The following MTFMT variants were observed in gnomAD, a reference collection of about 807,000 sequenced individuals.
MTFMT encodes methionyl-tRNA formyltransferase, mitochondrial.
A neutral mutation model predicts 51.8 loss-of-function variants in MTFMT; 47 were observed. That is an observed-to-expected ratio of 0.91 (90% CI 0.72 to 1.16). MTFMT has a LOEUF of 1.16. MTFMT is among the 50% of genes most tolerant of loss of function. The pLI, the probability that MTFMT is intolerant of heterozygous loss-of-function variation, is 0.00. For missense variants in MTFMT, 512 were observed against 482.3 expected, an observed-to-expected ratio of 1.06 and a Z score of -0.58; for synonymous variants, 196 against 176.7, an observed-to-expected ratio of 1.11 and a Z score of -0.87.
chr15:65,023,808 T>C lies in MTFMT; in HGVS notation c.420-14A>G. On this transcript the variant is annotated splice_polypyrimidine_tract_variant and intron_variant, in intron 2 of 8. Coordinates refer to ENST00000220058, the MANE Select transcript of MTFMT (RefSeq NM_139242.4). Reference sequence around the variant, plus strand: ...TTCAATATGCCACTGAGTTAGAAAATGTAGAAATTAGTATGTCAGTGGGCT... The same window carrying C: ...TTCAATATGCCACTGAGTTAGAAAACGTAGAAATTAGTATGTCAGTGGGCT... 3 of 1,604,220 alleles carry C rather than the reference T, an allele frequency of 1.9e-6. No individual in the cohort carries two copies. The highest frequency in any genetic ancestry group is 2.6e-6 in the Non-Finnish European group (3 of 1,173,588).
chr15:65,009,036 T>C (rs979395858), intron 6 of MTFMT, among the ~76,000 whole-genome samples: 5 of 152,186 alleles, frequency 3.3e-5, no homozygotes, highest in African/African-American at 1.2e-4. Flanking sequence ...TTTGCATGAA[T>C]TTACATTCAC....
rs2086363025 is a variant in MTFMT at position 65,020,292 on chromosome 15, A to T, written c.646-20T>A. ...AATGAGCTACAAAAAAAAAAAAAAG[A>T]GTGTGATATATTCAAAATGAAGGGA... On this transcript the variant is annotated intron_variant, in intron 4 of 8. Transcript: ENST00000220058. The T allele has an allele frequency of 2.0e-6, 3 of 1,535,270 alleles. No individual in the cohort carries two copies. Among genetic ancestry groups the T allele is most frequent in the South Asian group, 1.1e-5 (1 of 87,538 alleles).
chr15:65,028,275 G>A (rs1045659574), intron 1 of MTFMT, among the ~76,000 whole-genome samples: 4 of 152,154 alleles, frequency 2.6e-5, no homozygotes, highest in African/African-American at 9.7e-5. Context: ...TAAAAATCAG[G>A]CGTGGTGGTG....
chr15:65,007,344 A>G (rs768951649), intron 6 of MTFMT, among the ~76,000 whole-genome samples: 1 of 152,234 alleles, frequency 6.6e-6, no homozygotes, highest in Non-Finnish European at 1.5e-5. Context: ...CTGTTTTACA[A>G]GGACTTTTGT....
intron 1 of MTFMT, 98 bp downstream of exon 1, chr15:65,029,307 C>T (rs2086457807): frequency 1.5e-6 from 2 of 1,329,840 alleles, no homozygotes; most frequent in South Asian, 3.8e-5. Flanking sequence ...GCCGCCCATG[C>T]TTTCCGCAAC....
intron 1 of MTFMT, among the ~76,000 whole-genome samples, chr15:65,027,715 T>G (rs781317978): frequency 6.6e-6 from 1 of 152,112 alleles, no homozygotes; most frequent in Non-Finnish European, 1.5e-5. Flanking sequence ...TTTTGAAAAA[T>G]GGGTTAAATA....
intron 6 of MTFMT, among the ~76,000 whole-genome samples, chr15:65,010,343 T>C (rs1053239419): frequency 7.7e-6 from 1 of 130,264 alleles, no homozygotes; most frequent in Non-Finnish European, 1.6e-5. Flanking sequence ...TAGAACATTT[T>C]CATTACCTCT....
At chr15:65,004,799 C>T in intron 8 of MTFMT, 55 bp downstream of exon 8, 1 of 1,175,670 alleles carries the variant, frequency 8.5e-7, no homozygotes, top group South Asian at 1.5e-5. Context: ...ATAAATGATA[C>T]AGACTATAAC....
rs1473709288 is a variant in MTFMT at position 65,026,940 on chromosome 15, G to A, written c.310C>T (p.Gln104Ter). ...TCCGGCCACTCATATACGGGAAGCT[G>A]AGACTGCACAGCATATTGCTTCACT... The part of the protein sequence containing the change: ...LPVKQYAVQS[Q>*]LPVYEWPDVG... Residue 104 changes from glutamine to a stop codon, truncating the protein, a stop_gained, in exon 2 of 9, where the codon CAG becomes TAG. Transcript: ENST00000220058. LOFTEE classifies it high-confidence loss of function. 2 of 1,613,990 alleles carry A rather than the reference G, an allele frequency of 1.2e-6. No homozygotes were observed. The highest frequency in any genetic ancestry group is 2.7e-5 in the African/African-American group (2 of 75,046).
chr15:65,007,975 G>T (rs2086232818), intron 6 of MTFMT, among the ~76,000 whole-genome samples: 1 of 151,656 alleles, frequency 6.6e-6, no homozygotes, highest in Non-Finnish European at 1.5e-5. Context: ...TACTTTGGTG[G>T]TTCGTATCAT....
At position 65,020,286 on chromosome 15, in the gene MTFMT, A is replaced by AG. The variant is rs2086362833; in HGVS notation, c.646-15_646-14insC. The AG allele has an allele frequency of 6.2e-7, 1 of 1,607,656 alleles. No homozygotes were observed. Among genetic ancestry groups the AG allele is most frequent in the African/African-American group, 1.3e-5 (1 of 74,672 alleles). On this transcript the variant is annotated splice_polypyrimidine_tract_variant and intron_variant, in intron 4 of 8. Coordinates refer to ENST00000220058, the MANE Select transcript of MTFMT (RefSeq NM_139242.4). ...AACTGAAATGAGCTACAAAAAAAAA[A>AG]AAAAGAGTGTGATATATTCAAAATG...
chr15:65,006,052 C>T (rs910681005), intron 7 of MTFMT, 61 bp downstream of exon 7: 103 of 1,158,638 alleles, frequency 8.9e-5, no homozygotes, highest in Middle Eastern at 2.0e-4. Context: ...ATAAAACAGA[C>T]GTATTTCCAG....
intron 5 of MTFMT, among the ~76,000 whole-genome samples, chr15:65,019,948 G>A (rs2086357128): frequency 6.6e-6 from 1 of 152,020 alleles, no homozygotes; most frequent in African/African-American, 2.4e-5. Context: ...GTAAACTGGT[G>A]TTTATTATAC....
chr15:65,008,673 C>A (rs193010590), intron 6 of MTFMT, among the ~76,000 whole-genome samples: 67 of 152,268 alleles, frequency 4.4e-4, no homozygotes, highest in African/African-American at 1.5e-3. Context: ...AACATTAAAT[C>A]AAATAAGTAA....
intron 6 of MTFMT, among the ~76,000 whole-genome samples, chr15:65,009,904 T>C (rs568224803): frequency 1.3e-5 from 2 of 152,342 alleles, no homozygotes; most frequent in Non-Finnish European, 2.9e-5. Context: ...TTCACTCTTC[T>C]TGGCCTCCCA....
intron 5 of MTFMT, among the ~76,000 whole-genome samples, chr15:65,018,779 T>G (rs1231896650): frequency 6.6e-6 from 1 of 152,144 alleles, no homozygotes; most frequent in Non-Finnish European, 1.5e-5. Flanking sequence ...GAATTATGAC[T>G]GTAAAACACA....
intron 6 of MTFMT, 93 bp downstream of exon 6, chr15:65,016,343 T>C (rs2086322016): frequency 1.4e-6 from 1 of 705,158 alleles, no homozygotes; most frequent in Non-Finnish European, 2.4e-6. Context: ...GATATTTTTA[T>C]TTGGGATTAT....
chr15:65,018,805 C>T (rs568494186), intron 5 of MTFMT, among the ~76,000 whole-genome samples: 23 of 152,222 alleles, frequency 1.5e-4, no homozygotes, highest in African/African-American at 4.6e-4. Context: ...TGAAAATCTA[C>T]GCGTCAAATG....
At position 65,005,250 on chromosome 15, in the gene MTFMT, T is replaced by C. The variant is rs79559605; in HGVS notation, c.893-314A>G. 0.011 allele frequency among the ~76,000 whole-genome samples: 1,708 copies of C among 152,300 alleles called. 64 individuals carry two copies. In the South Asian group the frequency reaches 0.12, roughly 11 times the overall value. ...TAACTAGCCAACAGGGGGAAATACA[T>C]AGGATGTTTAGGATTTAGGCTGGCC... is the stretch of plus-strand genomic sequence containing the variant. On this transcript the variant is annotated intron_variant, in intron 7 of 8. Transcript: ENST00000220058.
Sources: gnomAD v4.1 joint callset for allele counts (sites outside exome capture counted in the v4.1 genomes callset) on GRCh38, gnomAD v4.1.1 for gene constraint, MANE v1.5 for transcripts, NCBI Gene and HGNC (gene_info 2026-07-23, HGNC 2026-07-21) for gene names.